PRKCI: variants seen among roughly 807,000 people sequenced by gnomAD.
The protein encoded by PRKCI is protein kinase C iota type.
Under a neutral mutation model 84.0 loss-of-function variants are expected in PRKCI, and 43 were observed. That is an observed-to-expected ratio of 0.51 (90% CI 0.40 to 0.66). The LOEUF (loss-of-function observed/expected upper bound fraction) is 0.66. Among genes scored for constraint, PRKCI ranks in the 30% least tolerant of loss-of-function variants. The probability of loss-of-function intolerance (pLI) is 0.00; values close to 1 mark genes in which losing one functional copy is unlikely to be tolerated. For missense variants in PRKCI, 459 were observed against 745.6 expected, an observed-to-expected ratio of 0.62 and a Z score of 4.48; for synonymous variants, 216 against 234.4, an observed-to-expected ratio of 0.92 and a Z score of 0.72.
intron 17 of PRKCI, among the ~76,000 whole-genome samples, chr3:170,301,022 A>G (rs1009825376): frequency 1.6e-4 from 24 of 152,318 alleles, no homozygotes; most frequent in Admixed American, 1.4e-3. Context: ...CCTGTAGCAT[A>G]GATACCAGCT....
intron 11 of PRKCI, among the ~76,000 whole-genome samples, chr3:170,282,714 A>T (rs990367671): frequency 9.4e-5 from 14 of 148,776 alleles, no homozygotes; most frequent in Non-Finnish European, 1.8e-4. Context: ...AAAAAAAAAG[A>T]TCCCTCTTAA....
chr3:170,265,764 C>A (rs1733843918), intron 4 of PRKCI, among the ~76,000 whole-genome samples: 1 of 150,172 alleles, frequency 6.7e-6, no homozygotes, highest in African/African-American at 2.5e-5. Flanking sequence ...CACTACCACG[C>A]CCGTCTAATT....
chr3:170,226,502 TTTACA>T (rs1732631431), intron 1 of PRKCI, among the ~76,000 whole-genome samples: 1 of 152,228 alleles, frequency 6.6e-6, no homozygotes, highest in Non-Finnish European at 1.5e-5. Context: ...TGCTCATTTC[TTTACA>T]TTATATATGT....
intron 2 of PRKCI, among the ~76,000 whole-genome samples, chr3:170,251,436 T>G (rs1027089157): frequency 6.6e-6 from 1 of 152,196 alleles, no homozygotes; most frequent in Non-Finnish European, 1.5e-5. Context: ...GATTACTATC[T>G]CTATTGTACA....
At chr3:170,302,554 T>G (rs1488653430) in intron 17 of PRKCI, among the ~76,000 whole-genome samples, 3 of 152,144 alleles carry the variant, frequency 2.0e-5, no homozygotes, top group Admixed American at 6.6e-5. Context: ...ACCTCTCCCC[T>G]CTCTGTGACC....
chr3:170,228,614 T>TACACAC (rs773440380), intron 1 of PRKCI, among the ~76,000 whole-genome samples: 49 of 127,250 alleles, frequency 3.9e-4, no homozygotes, highest in African/African-American at 1.5e-3. Flanking sequence ...TATATATATA[T>TACACAC]ATACACACAC....
chr3:170,269,198 A>G (rs370210626), intron 5 of PRKCI, among the ~76,000 whole-genome samples: 74 of 152,320 alleles, frequency 4.9e-4, no homozygotes, highest in Admixed American at 4.1e-3. Flanking sequence ...TACAGGCTTG[A>G]GCCACCATGC....
chr3:170,240,943 A>G (rs1013817745), intron 2 of PRKCI, among the ~76,000 whole-genome samples: 3 of 152,214 alleles, frequency 2.0e-5, no homozygotes, highest in African/African-American at 7.2e-5. Flanking sequence ...TGTAACCATC[A>G]TGCCACACTC....
intron 11 of PRKCI, among the ~76,000 whole-genome samples, chr3:170,283,663 G>A (rs1734308763): frequency 1.4e-5 from 2 of 147,240 alleles, no homozygotes; most frequent in South Asian, 4.2e-4. Flanking sequence ...AGCTAGTCTG[G>A]TTTTTACTAT....
chr3:170,261,809 G>T (rs1733734029), intron 3 of PRKCI, among the ~76,000 whole-genome samples: 1 of 152,002 alleles, frequency 6.6e-6, no homozygotes, highest in Non-Finnish European at 1.5e-5. Flanking sequence ...TCCAGAATTT[G>T]ACATAGTGAC....
chr3:170,268,899 T>G lies in PRKCI; in HGVS notation c.450+899T>G, dbSNP rs183478386. Among the ~76,000 whole-genome samples the G allele has an allele frequency of 9.2e-5, 14 of 152,212 alleles. No homozygotes were observed. The East Asian group carries it at 2.5e-3, about 27-fold the overall frequency. The stretch of plus-strand genomic sequence containing the variant: ...CAGTCTGTCTTCAGAAGTCAGTTAT[T>G]CATTTATTATTTATTTATTTTTTTT... On this transcript the variant is annotated intron_variant, in intron 5 of 17. Transcript: ENST00000295797.
chr3:170,235,117 G>A, intron 1 of PRKCI, 113 bp from the exon 2 acceptor site: 3 of 1,102,308 alleles, frequency 2.7e-6, no homozygotes, highest in Non-Finnish European at 3.9e-6. Context: ...AGCAATACAT[G>A]TTGATGCACA....
intron 16 of PRKCI, 103 bp downstream of exon 16, chr3:170,297,496 C>G (rs559787031): frequency 2.1e-6 from 2 of 953,408 alleles, no homozygotes; most frequent in South Asian, 2.9e-5. Context: ...GCTCTGTCAC[C>G]GAGGCTGGAG....
chr3:170,262,656 A>T (rs1733756458), intron 3 of PRKCI, among the ~76,000 whole-genome samples: 1 of 151,522 alleles, frequency 6.6e-6, no homozygotes, highest in African/African-American at 2.4e-5. Context: ...TTTTTTTTGT[A>T]TTTTTTGGTA....
intron 6 of PRKCI, among the ~76,000 whole-genome samples, chr3:170,272,668 T>C (rs1016346593): frequency 1.3e-5 from 2 of 152,250 alleles, no homozygotes; most frequent in Admixed American, 6.5e-5. Flanking sequence ...GTATCATTAA[T>C]GTTCTTTCTC....
intron 4 of PRKCI, among the ~76,000 whole-genome samples, chr3:170,266,544 T>A: frequency 6.8e-6 from 1 of 147,886 alleles, no homozygotes; most frequent in African/African-American, 2.5e-5. Flanking sequence ...CTAACCAGAC[T>A]CTTTAAAAAA....
chr3:170,227,119 C>T (rs1428864233), intron 1 of PRKCI, among the ~76,000 whole-genome samples: 1 of 152,132 alleles, frequency 6.6e-6, no homozygotes, highest in Non-Finnish European at 1.5e-5. Context: ...CCCCACAGGT[C>T]CTTAGTTCAT....
chr3:170,275,088 A>T, intron 7 of PRKCI, 141 bp from the exon 8 acceptor site: 2 of 1,041,728 alleles, frequency 1.9e-6, no homozygotes, highest in Non-Finnish European at 2.6e-6. Context: ...AGTCAGTTTT[A>T]AATAATGAAA....
chr3:170,242,295 C>T (rs1455315849), intron 2 of PRKCI, among the ~76,000 whole-genome samples: 1 of 151,366 alleles, frequency 6.6e-6, no homozygotes, highest in Non-Finnish European at 1.5e-5. Flanking sequence ...TTAATATTAA[C>T]AGCCAGGCAT....
Sources: gnomAD v4.1 joint callset for allele counts (sites outside exome capture counted in the v4.1 genomes callset) on GRCh38, gnomAD v4.1.1 for gene constraint, MANE v1.5 for transcripts, NCBI Gene and HGNC (gene_info 2026-07-23, HGNC 2026-07-21) for gene names.